Variants in TRPS1 observed in about 807,000 individuals in gnomAD.
The protein encoded by TRPS1 is zinc finger transcription factor Trps1.
A neutral mutation model predicts 101.2 loss-of-function variants in TRPS1; 6 were observed. That is an observed-to-expected ratio of 0.06 (90% confidence interval 0.03 to 0.12). The LOEUF is 0.12. Among genes scored for constraint, TRPS1 ranks in the 10% least tolerant of loss-of-function variants. The pLI, the probability that TRPS1 is intolerant of heterozygous loss-of-function variation, is 1.00. For synonymous variants in TRPS1, 578 were observed against 589.8 expected (o/e 0.98, Z 0.29); for missense variants, 1,363 against 1,567.0 (o/e 0.87, Z 2.20).
At chr8:115,594,802 C>T (rs951758318) in intron 4 of TRPS1, among the ~76,000 whole-genome samples, 16 of 151,716 alleles carry the variant, frequency 1.1e-4, no homozygotes, top group Admixed American at 9.8e-4. Flanking sequence ...AGAAAAAAAT[C>T]AGCTAAAAGA....
intron 5 of TRPS1, among the ~76,000 whole-genome samples, chr8:115,490,673 G>A (rs1814998763): frequency 6.6e-6 from 1 of 152,110 alleles, no homozygotes; most frequent in African/African-American, 2.4e-5. Context: ...ATTCACAGGT[G>A]TATCAGCCCA....
At chr8:115,506,320 T>G (rs537043175) in intron 5 of TRPS1, among the ~76,000 whole-genome samples, 2 of 152,150 alleles carry the variant, frequency 1.3e-5, no homozygotes, top group South Asian at 4.1e-4. Context: ...AGCTCTGAGA[T>G]GACTACGGTT....
At position 115,598,101 on chromosome 8, in the gene TRPS1, C is replaced by A. The variant is rs910862338; in HGVS notation, c.2096+5772G>T. On this transcript the variant is annotated intron_variant, in intron 4 of 6. Transcript: ENST00000395715. ...TAACACTTCCCACATATTTTCTCAC[C>A]ATTTTTTAAAAAGTTGATTGAATTT... is the stretch of plus-strand genomic sequence containing the variant. 5.9e-5 allele frequency among the ~76,000 whole-genome samples: 9 copies of A among 152,228 alleles called. No homozygotes were observed. In the South Asian group the frequency reaches 8.3e-4, roughly 14 times the overall value.
At chr8:115,439,843 T>C (rs74752540) in intron 5 of TRPS1, among the ~76,000 whole-genome samples, 5,380 of 152,264 alleles carry the variant, frequency 0.035, 278 homozygotes, top group African/African-American at 0.12. Flanking sequence ...ATACAGTGTC[T>C]CACTCTCTGA....
chr8:115,659,337 T>A (rs1476269479), intron 1 of TRPS1, among the ~76,000 whole-genome samples: 1 of 151,840 alleles, frequency 6.6e-6, no homozygotes, highest in East Asian at 1.9e-4. Flanking sequence ...TCTAAAAAGG[T>A]ATACTTCCAA....
rs575006576 is a variant in TRPS1, at chr8:115,525,575, A to G, written c.2700+61426T>C. Among the ~76,000 whole-genome samples the G allele has an allele frequency of 2.5e-4, 38 of 152,278 alleles. No individual in the cohort carries two copies. In the East Asian group the frequency reaches 5.6e-3, roughly 23 times the overall value. ...AATGGTAATAACCATTCTCAATCTG[A>G]TTATTTAGCAGATTCCTGAAAACTA... On this transcript the variant is annotated intron_variant, in intron 5 of 6. Transcript: ENST00000395715.
At position 115,619,936 on chromosome 8, in the gene TRPS1, C is replaced by G. The variant is rs1475154181; in HGVS notation, c.162G>C (p.Gln54His). The change falls in exon 3 of 7, where the codon CAG becomes CAC. Residue 54 changes from glutamine (Q) to histidine (H), a missense_variant. This residue lies in a region of TRPS1 where 1,020 missense variants were observed against 1,073.0 expected (regional missense o/e 0.95). Transcript: ENST00000395715. ...CACTCTGATCCGTATTTTCTGACAT[C>G]TGATCTGCAGAAAATTCTTTGTTCT... ...SGKNKEFSADQMSENTDQSDA... is the reference protein window; with the variant it reads ...SGKNKEFSADHMSENTDQSDA... 1 of 1,614,062 alleles carries G rather than the reference C, an allele frequency of 6.2e-7. No individual in the cohort carries two copies. Among genetic ancestry groups the G allele is most frequent in the Admixed American group, 1.7e-5 (1 of 59,994 alleles).
intron 1 of TRPS1, among the ~76,000 whole-genome samples, chr8:115,634,439 A>G (rs1341662946): frequency 1.3e-5 from 2 of 152,230 alleles, no homozygotes; most frequent in African/African-American, 4.8e-5. Context: ...TACCCAAGAA[A>G]AAGTAGCACT....
At chr8:115,570,709 A>ACACACACACT (rs1817183924) in intron 5 of TRPS1, among the ~76,000 whole-genome samples, 2 of 150,972 alleles carry the variant, frequency 1.3e-5, no homozygotes, top group African/African-American at 4.9e-5. Flanking sequence ...ACACACACAC[A>ACACACACACT]CACACACACA....
chr8:115,545,428 C>A (rs1185429854), intron 5 of TRPS1, among the ~76,000 whole-genome samples: 1 of 152,130 alleles, frequency 6.6e-6, no homozygotes, highest in Non-Finnish European at 1.5e-5. Flanking sequence ...AATATTCTCT[C>A]TAATTCCTAT....
intron 5 of TRPS1, among the ~76,000 whole-genome samples, chr8:115,519,207 TA>T (rs1310037815): frequency 2.0e-5 from 3 of 151,794 alleles, no homozygotes; most frequent in Non-Finnish European, 4.4e-5. Context: ...ACATGTCATT[TA>T]AAAAAATGAC....
At chr8:115,529,907 T>C (rs1816090168) in intron 5 of TRPS1, among the ~76,000 whole-genome samples, 2 of 151,962 alleles carry the variant, frequency 1.3e-5, no homozygotes, top group Non-Finnish European at 2.9e-5. Flanking sequence ...GGCAGGGAAA[T>C]ATAAAGGTGC....
chr8:115,653,425 C>G (rs1314546427), intron 1 of TRPS1, among the ~76,000 whole-genome samples: 1 of 151,960 alleles, frequency 6.6e-6, no homozygotes, highest in African/African-American at 2.4e-5. Flanking sequence ...CTCACCACAC[C>G]AAGAAAGAGA....
intron 1 of TRPS1, among the ~76,000 whole-genome samples, chr8:115,646,998 T>A (rs985846374): frequency 7.0e-6 from 1 of 142,594 alleles, no homozygotes; most frequent in African/African-American, 2.4e-5. Context: ...AACTTCCTTA[T>A]GTTGTTTTTT....
rs1412276866 is a variant in TRPS1 at position 115,410,598 on chromosome 8, T to C, written c.*3425A>G. 4 of 152,622 alleles carry C rather than the reference T, an allele frequency of 2.6e-5. No individual in the cohort carries two copies. Among genetic ancestry groups the C allele is most frequent in the African/African-American group, 4.8e-5 (2 of 41,552 alleles). The allele number at this position is 152,622 out of a possible 1,614,324, so 9.5% of individuals were successfully genotyped here. A position where few individuals can be genotyped will look rare whatever the true frequency, so the allele number is the denominator to read the frequency against. On this transcript the variant is annotated 3_prime_UTR_variant, in exon 7 of 7. Coordinates refer to ENST00000395715, the MANE Select transcript of TRPS1 (RefSeq NM_014112.5). ...TTCTCATATACTTGGAGTCATGTAG[T>C]GTCTCTCTCAATCCACAACGTTCTG... is the stretch of plus-strand genomic sequence containing the variant.
At chr8:115,667,949 G>A (rs1344363292) in intron 1 of TRPS1, 2 of 1,531,382 alleles carry the variant, frequency 1.3e-6, no homozygotes, top group African/African-American at 1.4e-5. Context: ...CGGCGGCGGC[G>A]GCGGCCCCTC....
At chr8:115,495,686 G>GT (rs1383211685) in intron 5 of TRPS1, among the ~76,000 whole-genome samples, 2 of 122,926 alleles carry the variant, frequency 1.6e-5, no homozygotes, top group East Asian at 4.1e-4. Flanking sequence ...GCTATCATCT[G>GT]TTAAAAAAAA....
At chr8:115,467,456 T>A (rs548885245) in intron 5 of TRPS1, among the ~76,000 whole-genome samples, 1 of 152,018 alleles carries the variant, frequency 6.6e-6, no homozygotes, top group East Asian at 1.9e-4. Flanking sequence ...AGTCAGTATC[T>A]CTATTTTGCC....
chr8:115,424,530 T>A (rs1399103377), intron 5 of TRPS1, among the ~76,000 whole-genome samples: 18 of 152,168 alleles, frequency 1.2e-4, no homozygotes. Context: ...ACATACTAAT[T>A]ATGGAGCTAA....
Sources: allele counts gnomAD v4.1 joint callset (sites outside exome capture counted in the v4.1 genomes callset), GRCh38; gene constraint gnomAD v4.1.1; regional missense constraint gnomAD v4.1.1; transcripts MANE v1.5; gene names NCBI Gene and HGNC (gene_info 2026-07-23, HGNC 2026-07-21).